Variants in WIPF1 observed in about 807,000 individuals in gnomAD.
WIPF1 encodes WAS/WASL-interacting protein family member 1.
A neutral mutation model predicts 35.4 loss-of-function variants in WIPF1; 13 were observed. The ratio of observed to expected loss-of-function variants is 0.37; its 90% CI spans 0.24 to 0.58. WIPF1 has a LOEUF of 0.58. WIPF1 is among the 20% of genes least tolerant of loss of function. The pLI is 0.74. For missense variants in WIPF1, 591 were observed against 667.0 expected, an observed-to-expected ratio of 0.89 and a Z score of 1.25; for synonymous variants, 267 against 266.3, an observed-to-expected ratio of 1.00 and a Z score of -0.02.
At chr2:174,607,912 T>C (rs182194398) in intron 1 of WIPF1, among the ~76,000 whole-genome samples, 5 of 152,358 alleles carry the variant, frequency 3.3e-5, no homozygotes, top group Non-Finnish European at 7.4e-5. Context: ...TAAGTTTAGT[T>C]CTAACTTTCA....
At chr2:174,645,090 C>T (rs1687378312) in intron 1 of WIPF1, among the ~76,000 whole-genome samples, 1 of 152,052 alleles carries the variant, frequency 6.6e-6, no homozygotes, top group Admixed American at 6.5e-5. Flanking sequence ...ACTCGATTTA[C>T]TGAAATGAAA....
intron 1 of WIPF1, among the ~76,000 whole-genome samples, chr2:174,586,752 T>G (rs1300424370): frequency 3.3e-5 from 5 of 152,308 alleles, no homozygotes; most frequent in Admixed American, 6.5e-5. Flanking sequence ...ACACAAACTG[T>G]GGTCCTGGAT....
At chr2:174,615,078 G>T (rs1574837095) in intron 1 of WIPF1, among the ~76,000 whole-genome samples, 1 of 152,116 alleles carries the variant, frequency 6.6e-6, no homozygotes, top group African/African-American at 2.4e-5. Flanking sequence ...TCTTAAAAGC[G>T]CAGCTTTAAA....
intron 1 of WIPF1, among the ~76,000 whole-genome samples, chr2:174,672,236 A>C (rs1351898786): frequency 6.6e-6 from 1 of 152,352 alleles, no homozygotes; most frequent in African/African-American, 2.4e-5. Context: ...AAGGTTATGC[A>C]CTAATACAGA....
Position 174,562,263 on chromosome 2 carries a change from T to C in WIPF1, c.*284A>G. 1 of 1,538,230 alleles carries C rather than the reference T, an allele frequency of 6.5e-7. No individual in the cohort carries two copies. The highest frequency in any genetic ancestry group is 1.2e-5 in the South Asian group (1 of 82,508). On this transcript the variant is annotated 3_prime_UTR_variant, in exon 8 of 8. Coordinates refer to ENST00000679041, the MANE Select transcript of WIPF1 (RefSeq NM_001375834.1). Reference sequence around the variant, plus strand: ...GAATTTGGTTGGTGGAAAGCTGGGATGCAAGTCATCTCTGCCTATTACGAC... The same window carrying C: ...GAATTTGGTTGGTGGAAAGCTGGGACGCAAGTCATCTCTGCCTATTACGAC...
intron 1 of WIPF1, among the ~76,000 whole-genome samples, chr2:174,679,175 A>C (rs1688199700): frequency 6.6e-6 from 1 of 152,146 alleles, no homozygotes; most frequent in African/African-American, 2.4e-5. Flanking sequence ...CTCATTTCAA[A>C]ATTGAAGATA....
At chr2:174,589,782 C>T in intron 1 of WIPF1, among the ~76,000 whole-genome samples, 1 of 152,228 alleles carries the variant, frequency 6.6e-6, no homozygotes. Flanking sequence ...TACACACCAA[C>T]AATTTTCAAC....
Position 174,603,411 on chromosome 2 carries a change from T to G in WIPF1, c.-38-17800A>C, listed in dbSNP as rs369582512. On this transcript the variant is annotated intron_variant, in intron 1 of 8. Coordinates refer to the WIPF1 transcript ENST00000272746. ...AGCCTAAAATGTGCAACTGGCTGAT[T>G]TGAGGTTGGGGAAGGCTAGCGCAGG... Among the ~76,000 whole-genome samples, 7 of 152,316 alleles carry G rather than the reference T, an allele frequency of 4.6e-5. No homozygotes were observed. In the South Asian group the frequency reaches 1.2e-3, roughly 27 times the overall value.
At chr2:174,575,075 A>G in intron 4 of WIPF1, 129 bp downstream of exon 4, 1 of 1,031,254 alleles carries the variant, frequency 9.7e-7, no homozygotes, top group Non-Finnish European at 1.5e-6. Context: ...CTTATAAAAC[A>G]GTGGTAATAT....
At chr2:174,667,088 G>C (rs538101761) in intron 1 of WIPF1, among the ~76,000 whole-genome samples, 8 of 152,156 alleles carry the variant, frequency 5.3e-5, no homozygotes, top group Admixed American at 2.0e-4. Flanking sequence ...GCTCCTCTAA[G>C]CTTTTTATTT....
chr2:174,562,418 C>A lies in WIPF1; in HGVS notation c.*129G>T. 6.5e-7 allele frequency: 1 copy of A among 1,542,474 alleles called. No homozygotes were observed. On this transcript the variant is annotated 3_prime_UTR_variant, in exon 8 of 8. Coordinates refer to ENST00000679041, the MANE Select transcript of WIPF1 (RefSeq NM_001375834.1). ...ATTCCCACCCACACACGCATATTCC[C>A]ACTCCCCCTCCCACCTTTCCTCCTG... is the stretch of plus-strand genomic sequence containing the variant.
intron 4 of WIPF1, among the ~76,000 whole-genome samples, chr2:174,574,105 T>A (rs975127739): frequency 2.0e-5 from 3 of 152,048 alleles, no homozygotes; most frequent in Non-Finnish European, 4.4e-5. Context: ...TTGCCCAGGC[T>A]GTTCTTGAAT....
At chr2:174,648,286 G>A (rs973171334) in intron 1 of WIPF1, among the ~76,000 whole-genome samples, 1 of 152,068 alleles carries the variant, frequency 6.6e-6, no homozygotes, top group Non-Finnish European at 1.5e-5. Flanking sequence ...GCCTAAAGTA[G>A]AACAAGGGTG....
At position 174,633,827 on chromosome 2, in the gene WIPF1, G is replaced by T. The variant is rs144220017; in HGVS notation, c.-38-48216C>A. Among the ~76,000 whole-genome samples, 550 of 152,218 alleles carry T rather than the reference G, an allele frequency of 3.6e-3. 2 individuals are homozygous for T. The highest frequency in any genetic ancestry group is 0.013 in the African/African-American group (524 of 41,510). ...TCACGGCCTGCTGGGCTTTGCTCTG[G>T]GCTGTGCCTGCTCCTTAAACTCTGG... On this transcript the variant is annotated intron_variant, in intron 1 of 8. Coordinates refer to the WIPF1 transcript ENST00000272746.
At chr2:174,649,104 T>C (rs1330424362) in intron 1 of WIPF1, among the ~76,000 whole-genome samples, 1 of 152,190 alleles carries the variant, frequency 6.6e-6, no homozygotes, top group Non-Finnish European at 1.5e-5. Flanking sequence ...TATCCTGAGA[T>C]GACAGACATG....
Position 174,585,586 on chromosome 2 carries a change from T to C in WIPF1, c.-13A>G, listed in dbSNP as rs1685390324. On this transcript the variant is annotated 5_prime_UTR_variant, in exon 2 of 8. Transcript: ENST00000679041. The stretch of plus-strand genomic sequence containing the variant: ...GAGGGACAGGCATCTTGGGCAGTTA[T>C]GCGTTCAACAGTCTTGCTGATAAAT... 4.3e-6 allele frequency: 7 copies of C among 1,612,462 alleles called. No individual in the cohort carries two copies. Among genetic ancestry groups the C allele is most frequent in the Non-Finnish European group, 5.9e-6 (7 of 1,179,200 alleles).
At chr2:174,644,487 A>G (rs1687361309) in intron 1 of WIPF1, among the ~76,000 whole-genome samples, 1 of 138,680 alleles carries the variant, frequency 7.2e-6, no homozygotes, top group Non-Finnish European at 1.5e-5. Context: ...TAATGTGGGT[A>G]AGTGTGGGGT....
intron 1 of WIPF1, among the ~76,000 whole-genome samples, chr2:174,618,686 CAAGTT>C (rs753059825): frequency 1.3e-4 from 20 of 152,132 alleles, no homozygotes; most frequent in African/African-American, 4.8e-4. Flanking sequence ...GATGAACAGA[CAAGTT>C]AAGTTATTTG....
intron 1 of WIPF1, among the ~76,000 whole-genome samples, chr2:174,587,142 T>C (rs1685451835): frequency 6.6e-6 from 1 of 152,122 alleles, no homozygotes; most frequent in Non-Finnish European, 1.5e-5. Flanking sequence ...GTAGCTTAGC[T>C]AGGACTGCAG....
Sources: allele counts gnomAD v4.1 joint callset (sites outside exome capture counted in the v4.1 genomes callset), GRCh38; gene constraint gnomAD v4.1.1; transcripts MANE v1.5; gene names NCBI Gene and HGNC (gene_info 2026-07-23, HGNC 2026-07-21).